LANCL1: variants seen among roughly 807,000 people sequenced by gnomAD.
LANCL1 encodes the protein glutathione S-transferase LANCL1.
LANCL1 carries 50 observed loss-of-function variants against 50.6 expected under a neutral mutation model. That is an observed-to-expected ratio of 0.99 (90% CI 0.79 to 1.25). The LOEUF (loss-of-function observed/expected upper bound fraction) is 1.25, where lower values mean the gene tolerates loss of function less well. Among genes scored for constraint, LANCL1 ranks in the 50% most tolerant of loss-of-function variants. LANCL1 has a pLI of 0.00. For missense variants in LANCL1, 532 were observed against 480.7 expected (o/e 1.11, Z -1.00); for synonymous variants, 188 against 178.6 (o/e 1.05, Z -0.42).
In LANCL1 at chr2:210,432,622, C is replaced by A. The variant is rs1023290603; in HGVS notation, c.*1865G>T. 1 of 152,170 alleles carries A rather than the reference C, an allele frequency of 6.6e-6. No homozygotes were observed. The highest frequency in any genetic ancestry group is 1.5e-5 in the Non-Finnish European group (1 of 68,036). The allele number at this position is 152,170 out of a possible 1,614,324, so 9.4% of individuals were successfully genotyped here. A position where few individuals can be genotyped will look rare whatever the true frequency, so the allele number is the denominator to read the frequency against. ...CAGAGAAACTGTTATTTTTCCCTTG[C>A]TTAGTAACGCAGCTAAAAGCATAGG... On this transcript the variant is annotated 3_prime_UTR_variant, in exon 10 of 10. Coordinates refer to ENST00000450366, the MANE Select transcript of LANCL1 (RefSeq NM_006055.3).
At chr2:210,450,683 A>G (rs1274050571) in intron 4 of LANCL1, among the ~76,000 whole-genome samples, 6 of 152,262 alleles carry the variant, frequency 3.9e-5, no homozygotes, top group Admixed American at 2.6e-4. Flanking sequence ...ATGAACAGAT[A>G]CTTCTCAAAA....
At chr2:210,435,968 C>A (rs1692917576) in intron 8 of LANCL1, among the ~76,000 whole-genome samples, 1 of 120,224 alleles carries the variant, frequency 8.3e-6, no homozygotes. Flanking sequence ...ATGGTGTGAT[C>A]TTGGCTCACT....
chr2:210,455,029 G>T, intron 4 of LANCL1, 78 bp downstream of exon 4: 2 of 1,201,998 alleles, frequency 1.7e-6, no homozygotes, highest in Non-Finnish European at 2.4e-6. Flanking sequence ...AAACTCACTA[G>T]AATGTTCTTT....
intron 3 of LANCL1, chr2:210,471,558 T>C (rs1211479566): frequency 2.2e-6 from 1 of 460,610 alleles, no homozygotes. Flanking sequence ...TTTTAAAACA[T>C]GCTTCTGGAC....
chr2:210,456,407 A>G (rs1384630805), intron 3 of LANCL1, among the ~76,000 whole-genome samples: 2 of 152,176 alleles, frequency 1.3e-5, no homozygotes, highest in African/African-American at 4.8e-5. Flanking sequence ...TTTGTGCTAC[A>G]GACAATTCAA....
At chr2:210,456,424 A>G (rs1331335700) in intron 3 of LANCL1, among the ~76,000 whole-genome samples, 2 of 152,156 alleles carry the variant, frequency 1.3e-5, no homozygotes, top group Non-Finnish European at 1.5e-5. Flanking sequence ...TCAATTTCAC[A>G]TGTATATTAA....
At chr2:210,476,783 A>G, upstream of LANCL1, 1 of 1,016,954 alleles carries the variant, frequency 9.8e-7, no homozygotes, top group Non-Finnish European at 1.2e-6. Flanking sequence ...CAGGAGGGCC[A>G]ATCAGAGCCT....
intron 2 of LANCL1, 35 bp from the exon 3 acceptor site, chr2:210,472,111 G>T: frequency 7.1e-7 from 1 of 1,411,190 alleles, no homozygotes; most frequent in Non-Finnish European, 1.0e-6. Context: ...TCAAAATAAT[G>T]TGGGTCACCC....
At chr2:210,465,039 G>A (rs1414723008) in intron 3 of LANCL1, among the ~76,000 whole-genome samples, 2 of 151,692 alleles carry the variant, frequency 1.3e-5, no homozygotes, top group East Asian at 3.9e-4. Flanking sequence ...CAAGAGAGAT[G>A]TCAAAAAATG....
At chr2:210,463,373 G>T (rs1693933973) in intron 3 of LANCL1, among the ~76,000 whole-genome samples, 1 of 152,044 alleles carries the variant, frequency 6.6e-6, no homozygotes, top group African/African-American at 2.4e-5. Context: ...ACCAGACCTG[G>T]CTATATAAAG....
intron 6 of LANCL1, among the ~76,000 whole-genome samples, chr2:210,438,566 G>A (rs1234356731): frequency 2.6e-5 from 4 of 152,154 alleles, no homozygotes; most frequent in African/African-American, 9.7e-5. Flanking sequence ...AGCTTTAAAA[G>A]TCACAAAGAG....
chr2:210,436,172 G>T, intron 8 of LANCL1, 44 bp downstream of exon 8: 2 of 1,568,334 alleles, frequency 1.3e-6, no homozygotes, highest in African/African-American at 1.3e-5. Flanking sequence ...ATTTACAGGT[G>T]TGAGCCACCG....
At chr2:210,439,672 A>C (rs1693058799) in intron 6 of LANCL1, among the ~76,000 whole-genome samples, 1 of 152,186 alleles carries the variant, frequency 6.6e-6, no homozygotes, top group South Asian at 2.1e-4. Flanking sequence ...TCTGCATTCA[A>C]AAATAATAAT....
intron 3 of LANCL1, among the ~76,000 whole-genome samples, chr2:210,469,403 A>T (rs1018001904): frequency 6.6e-6 from 1 of 152,146 alleles, no homozygotes; most frequent in Non-Finnish European, 1.5e-5. Context: ...TTATCAAAAC[A>T]CTGGAGGAGG....
Position 210,434,152 on chromosome 2 carries a change from T to C in LANCL1, c.*335A>G. Reference sequence around the variant, plus strand: ...TGTATTGAGTTTCTTTTAAACATTTTTAGAACAGTAACAGATGGTTATATT... The same window carrying C: ...TGTATTGAGTTTCTTTTAAACATTTCTAGAACAGTAACAGATGGTTATATT... On this transcript the variant is annotated 3_prime_UTR_variant, in exon 10 of 10. Transcript: ENST00000450366. 1 of 180,454 alleles carries C rather than the reference T, an allele frequency of 5.5e-6. No individual in the cohort carries two copies. 11.2% of individuals were successfully genotyped at this position (180,454 alleles called of 1,614,324 possible). A position where few individuals can be genotyped will look rare whatever the true frequency, so the allele number is the denominator to read the frequency against.
chr2:210,440,022 G>C (rs1264487844), intron 6 of LANCL1, among the ~76,000 whole-genome samples: 1 of 152,210 alleles, frequency 6.6e-6, no homozygotes, highest in Admixed American at 6.5e-5. Context: ...GTCTGCTGCA[G>C]TAAATTCTAT....
In LANCL1 at chr2:210,465,546, T is replaced by C. The variant is rs1694026916; in HGVS notation, c.199+6413A>G. 2.0e-5 allele frequency among the ~76,000 whole-genome samples: 3 copies of C among 152,340 alleles called. No individual in the cohort carries two copies. The South Asian group carries it at 6.2e-4, about 32-fold the overall frequency. On this transcript the variant is annotated intron_variant, in intron 3 of 9. Transcript: ENST00000450366. Reference sequence around the variant, plus strand: ...GTTACAGCAGCAGGCACAAAAACCTTGCATTTTTAGTGAAACTGCAGTACA... The same window carrying C: ...GTTACAGCAGCAGGCACAAAAACCTCGCATTTTTAGTGAAACTGCAGTACA...
upstream of LANCL1, chr2:210,477,422 T>C (rs1004841763): frequency 2.0e-5 from 17 of 845,356 alleles, 1 homozygote; most frequent in Admixed American, 8.1e-4. Flanking sequence ...TCTGAAACAT[T>C]TTTCTTTCAT....
rs2287418 is a variant in LANCL1, at chr2:210,476,432, C to A, written c.-16-20G>T. 2 of 1,606,786 alleles carry A rather than the reference C, an allele frequency of 1.2e-6. No individual in the cohort carries two copies. The highest frequency in any genetic ancestry group is 2.2e-5 in the East Asian group (1 of 44,654). On this transcript the variant is annotated intron_variant, in intron 1 of 9. Coordinates refer to ENST00000450366, the MANE Select transcript of LANCL1 (RefSeq NM_006055.3). ...GCAAGCCTGCAGAACAGGGGAAAAA[C>A]AGAAACTAGGTTGAGATAGGGGCCT...
Sources: gnomAD v4.1 joint callset for allele counts (sites outside exome capture counted in the v4.1 genomes callset) on GRCh38, gnomAD v4.1.1 for gene constraint, MANE v1.5 for transcripts, NCBI Gene and HGNC (gene_info 2026-07-23, HGNC 2026-07-21) for gene names.